The following NECTIN2 variants were observed in gnomAD, a reference collection of about 807,000 sequenced individuals.
The protein encoded by NECTIN2 is nectin cell adhesion molecule 2.
Under a neutral mutation model 56.9 loss-of-function variants are expected in NECTIN2, and 23 were observed. The ratio of observed to expected loss-of-function variants is 0.40; its 90% CI spans 0.29 to 0.57. NECTIN2 has a LOEUF of 0.57. Among genes scored for constraint, NECTIN2 ranks in the 20% least tolerant of loss-of-function variants. NECTIN2 has a pLI of 0.38. For synonymous variants in NECTIN2, 302 were observed against 313.8 expected, an observed-to-expected ratio of 0.96 and a Z score of 0.40; for missense variants, 587 against 718.3, an observed-to-expected ratio of 0.82 and a Z score of 2.09.
intron 1 of NECTIN2, among the ~76,000 whole-genome samples, chr19:44,859,949 C>T (rs1969012619): frequency 6.6e-6 from 1 of 151,990 alleles, no homozygotes; most frequent in Non-Finnish European, 1.5e-5. Context: ...AAAGTTGAAA[C>T]AACCTCAATG....
At chr19:44,854,679 G>A (rs755857775) in intron 1 of NECTIN2, among the ~76,000 whole-genome samples, 6 of 152,044 alleles carry the variant, frequency 3.9e-5, no homozygotes, top group Admixed American at 1.3e-4. Context: ...TGGGTATGGT[G>A]GTACATGCCT....
intron 2 of NECTIN2, among the ~76,000 whole-genome samples, chr19:44,867,264 C>T (rs1160908925): frequency 6.6e-6 from 1 of 152,090 alleles, no homozygotes; most frequent in African/African-American, 2.4e-5. Context: ...TCAGGTGATC[C>T]GTCCACCTGG....
rs1271752368 is a variant in NECTIN2, at chr19:44,888,674, C to T, written c.*295C>T. 3.1e-5 allele frequency: 13 copies of T among 415,786 alleles called. No individual in the cohort carries two copies. The highest frequency in any genetic ancestry group is 6.5e-4 in the Middle Eastern group (1 of 1,544). 25.8% of individuals were successfully genotyped at this position (415,786 alleles called of 1,614,324 possible). A position where few individuals can be genotyped will look rare whatever the true frequency, so the allele number is the denominator to read the frequency against. ...CCCAGACTGTGACCTTAGACCATAC[C>T]TCTCACCCCCCAATGCCTCGACTCC... On this transcript the variant is annotated 3_prime_UTR_variant, in exon 9 of 9. Coordinates refer to ENST00000252483, the MANE Select transcript of NECTIN2 (RefSeq NM_001042724.2).
intron 1 of NECTIN2, among the ~76,000 whole-genome samples, chr19:44,848,408 C>T (rs1968861636): frequency 6.6e-6 from 1 of 152,148 alleles, no homozygotes; most frequent in Admixed American, 6.5e-5. Context: ...CCGGGGAAGC[C>T]GGGCTCCGGT....
At chr19:44,880,835 C>T (rs1214889925) in intron 5 of NECTIN2, among the ~76,000 whole-genome samples, 2 of 150,038 alleles carry the variant, frequency 1.3e-5, no homozygotes, top group Admixed American at 6.7e-5. Flanking sequence ...TGCAATGGCG[C>T]GATCTTGGCT....
rs1422826695 is a variant in NECTIN2 at position 44,875,684 on chromosome 19, CAG to C, written c.1042+1207_1042+1208del. ...GAAGGTGTAGGGACAAACTCCCAGA[CAG>C]GGGCTGTCCCTGTCATGCAGACAGA... On this transcript the variant is annotated intron_variant, in intron 5 of 8. Transcript: ENST00000252483. This position sits in a 1 kb window ranked among gnomAD's most constrained non-coding sequence, Gnocchi z 4.2. Among the ~76,000 whole-genome samples, 9 of 152,170 alleles carry C rather than the reference CAG, an allele frequency of 5.9e-5. No individual in the cohort carries two copies. Among genetic ancestry groups the C allele is most frequent in the Non-Finnish European group, 1.0e-4 (7 of 68,022 alleles).
intron 1 of NECTIN2, among the ~76,000 whole-genome samples, chr19:44,848,956 T>G (rs1003355817): frequency 2.6e-5 from 4 of 151,980 alleles, no homozygotes; most frequent in Non-Finnish European, 5.9e-5. Flanking sequence ...CGTGTGTCCA[T>G]GTCCGCCAGG....
chr19:44,859,549 C>T (rs1437987569), intron 1 of NECTIN2, among the ~76,000 whole-genome samples: 1 of 152,092 alleles, frequency 6.6e-6, no homozygotes, highest in African/African-American at 2.4e-5. Flanking sequence ...ATGGGCCACA[C>T]GCCGTGGCTC....
chr19:44,885,849 A>G, intron 6 of NECTIN2, 88 bp from the exon 7 acceptor site: 3 of 1,071,756 alleles, frequency 2.8e-6, no homozygotes, highest in Admixed American at 1.7e-5. Context: ...AGGGAGACCC[A>G]GGTAGAGGGA....
chr19:44,848,907 G>A (rs560365894), intron 1 of NECTIN2, among the ~76,000 whole-genome samples: 40 of 152,074 alleles, frequency 2.6e-4, no homozygotes, highest in Non-Finnish European at 5.1e-4. Context: ...GCCCCCAGCT[G>A]GGCCGGCTCC....
intron 1 of NECTIN2, among the ~76,000 whole-genome samples, chr19:44,847,642 C>G (rs1345970826): frequency 6.6e-6 from 1 of 152,158 alleles, no homozygotes; most frequent in Non-Finnish European, 1.5e-5. Context: ...GAGACTCCTC[C>G]CTTTCCCTAT....
rs1969135215 is a variant in NECTIN2 at position 44,868,799 on chromosome 19, C to T, written c.479-3054C>T. Among the ~76,000 whole-genome samples the T allele has an allele frequency of 2.6e-5, 4 of 151,898 alleles. No individual in the cohort carries two copies. The South Asian group carries it at 8.3e-4, about 32-fold the overall frequency. The stretch of plus-strand genomic sequence containing the variant: ...GTGGTGGCGGGTGCCTTAGTCCCAG[C>T]TACTCGGGAGATTGAGGCAGGAGAA... On this transcript the variant is annotated intron_variant, in intron 2 of 8. Coordinates refer to ENST00000252483, the MANE Select transcript of NECTIN2 (RefSeq NM_001042724.2).
intron 1 of NECTIN2, among the ~76,000 whole-genome samples, chr19:44,861,872 T>C (rs910302769): frequency 6.6e-6 from 1 of 152,094 alleles, no homozygotes; most frequent in African/African-American, 2.4e-5. Flanking sequence ...TGTGGAGAAA[T>C]AGGAATGCTT....
chr19:44,868,445 C>CT (rs753332468), intron 2 of NECTIN2, among the ~76,000 whole-genome samples: 3 of 122,670 alleles, frequency 2.4e-5, no homozygotes, highest in African/African-American at 6.0e-5. Flanking sequence ...TTGAAGGATG[C>CT]TTTTTTTTCT....
At position 44,886,042 on chromosome 19, in the gene NECTIN2, A is replaced by G. The variant is rs754253351; in HGVS notation, c.1260+42A>G. The stretch of plus-strand genomic sequence containing the variant: ...GAGCCCAAGCTATCCCCACCTCCAC[A>G]CCCACCCCAGGGCTGGGAGGGGCCT... On this transcript the variant is annotated intron_variant, in intron 7 of 8. Transcript: ENST00000252483. 2.5e-6 allele frequency: 4 copies of G among 1,572,598 alleles called. No homozygotes were observed. In the Admixed American group the frequency reaches 6.7e-5, roughly 26 times the overall value.
chr19:44,882,490 G>A (rs780340067), intron 6 of NECTIN2, 126 bp downstream of exon 6: 1 of 935,118 alleles, frequency 1.1e-6, no homozygotes, highest in Non-Finnish European at 1.4e-6. Context: ...TAAAGGAACT[G>A]GGGTCTAAAT....
At chr19:44,857,235 C>CTTTT (rs34803447) in intron 1 of NECTIN2, among the ~76,000 whole-genome samples, 51 of 128,414 alleles carry the variant, frequency 4.0e-4, no homozygotes, top group Admixed American at 5.0e-4. Flanking sequence ...TACAAGTGGA[C>CTTTT]TTTTTTTTTT....
At chr19:44,868,924 A>AAT (rs1969137846) in intron 2 of NECTIN2, among the ~76,000 whole-genome samples, 1 of 150,926 alleles carries the variant, frequency 6.6e-6, no homozygotes, top group African/African-American at 2.4e-5. Context: ...AAAAAAAAAA[A>AAT]ATATGTTGGA....
intron 3 of NECTIN2, 67 bp downstream of exon 3, chr19:44,872,216 C>T: frequency 6.5e-7 from 1 of 1,531,342 alleles, no homozygotes; most frequent in Non-Finnish European, 8.9e-7. Context: ...AAAGCACTGT[C>T]TACATTGTCT....
Sources: gnomAD v4.1 joint callset for allele counts (sites outside exome capture counted in the v4.1 genomes callset) on GRCh38, gnomAD v4.1.1 for gene constraint, Gnocchi (gnomAD v3.1) non-coding constraint, MANE v1.5 for transcripts, NCBI Gene and HGNC (gene_info 2026-07-23, HGNC 2026-07-21) for gene names.